ASAP1: variants seen among roughly 807,000 people sequenced by gnomAD.
ASAP1 encodes arf-GAP with SH3 domain, ANK repeat and PH domain-containing protein 1.
ASAP1 carries 43 observed loss-of-function variants against 145.2 expected under a neutral mutation model. The ratio of observed to expected loss-of-function variants is 0.30; its 90% CI spans 0.23 to 0.38. The LOEUF is 0.38. Among genes scored for constraint, ASAP1 ranks in the 10% least tolerant of loss-of-function variants. The pLI is 1.00. For synonymous variants in ASAP1, 546 were observed against 515.5 expected, an observed-to-expected ratio of 1.06 and a Z score of -0.80; for missense variants, 1,018 against 1,355.3, an observed-to-expected ratio of 0.75 and a Z score of 3.91.
In ASAP1 at chr8:130,339,713, G is replaced by A. The variant is rs192355739; in HGVS notation, c.186+18304C>T. Among the ~76,000 whole-genome samples, 452 of 152,318 alleles carry A rather than the reference G, an allele frequency of 3.0e-3. 3 individuals carry two copies. The highest frequency in any genetic ancestry group is 9.2e-3 in the African/African-American group (382 of 41,576). On this transcript the variant is annotated intron_variant, in intron 3 of 29. Transcript: ENST00000518721. Reference sequence around the variant, plus strand: ...GCACTAACTTAAAGAGGTATGTCTGGTTCTGTGCCCTGAAGGTCAGTTGGC... The same window carrying A: ...GCACTAACTTAAAGAGGTATGTCTGATTCTGTGCCCTGAAGGTCAGTTGGC...
intron 11 of ASAP1, among the ~76,000 whole-genome samples, chr8:130,167,040 A>C (rs577691528): frequency 1.3e-4 from 20 of 152,316 alleles, no homozygotes; most frequent in African/African-American, 4.8e-4. Flanking sequence ...ACAGTGGCTC[A>C]TGTCTGTAAT....
chr8:130,233,408 A>T (rs1244867279), intron 4 of ASAP1, among the ~76,000 whole-genome samples: 1 of 152,152 alleles, frequency 6.6e-6, no homozygotes, highest in African/African-American at 2.4e-5. Flanking sequence ...GTAAAGAGCA[A>T]AGCTGGGGTC....
chr8:130,395,520 G>A (rs754568387), intron 2 of ASAP1, among the ~76,000 whole-genome samples: 1 of 152,232 alleles, frequency 6.6e-6, no homozygotes, highest in South Asian at 2.1e-4. Flanking sequence ...GAGTGATGAG[G>A]CTGCAAGCTG....
At chr8:130,119,161 C>T (rs1385464380) in intron 18 of ASAP1, among the ~76,000 whole-genome samples, 1 of 152,124 alleles carries the variant, frequency 6.6e-6, no homozygotes, top group Non-Finnish European at 1.5e-5. Context: ...CCAGGCTGGT[C>T]TTGAACTCCT....
intron 3 of ASAP1, among the ~76,000 whole-genome samples, chr8:130,342,634 T>C (rs909830958): frequency 6.6e-6 from 1 of 152,174 alleles, no homozygotes; most frequent in Non-Finnish European, 1.5e-5. Flanking sequence ...AAGCGGCTGT[T>C]ACAAACACAA....
chr8:130,265,000 T>C (rs1467801775), intron 3 of ASAP1, among the ~76,000 whole-genome samples: 1 of 152,056 alleles, frequency 6.6e-6, no homozygotes, highest in African/African-American at 2.4e-5. Flanking sequence ...AGACTAAAAT[T>C]ACTGGTGTAC....
At chr8:130,183,772 A>G (rs1427452182) in intron 7 of ASAP1, among the ~76,000 whole-genome samples, 1 of 152,176 alleles carries the variant, frequency 6.6e-6, no homozygotes, top group Admixed American at 6.5e-5. Flanking sequence ...CCTCCTTTAG[A>G]GCTGTTCTCT....
At chr8:130,225,784 A>G (rs916963754) in intron 4 of ASAP1, among the ~76,000 whole-genome samples, 9 of 152,198 alleles carry the variant, frequency 5.9e-5, no homozygotes, top group African/African-American at 2.2e-4. Context: ...TAAGGAAGTC[A>G]GTGTTTGCTT....
At chr8:130,283,615 G>A (rs1327212368) in intron 3 of ASAP1, among the ~76,000 whole-genome samples, 887 of 125,302 alleles carry the variant, frequency 7.1e-3, no homozygotes, top group African/African-American at 0.013. Flanking sequence ...AAAAAAAAAA[G>A]AAGGCAGGAT....
rs558862905 is a variant in ASAP1 at position 130,088,753 on chromosome 8, G to T, written c.2572+3220C>A. ...CCCATCTCTAGCTATCCAGCAAAATGCTAGGCTGAGAATAATGGTAACAGT... is the reference window on the plus strand; with the variant it reads ...CCCATCTCTAGCTATCCAGCAAAATTCTAGGCTGAGAATAATGGTAACAGT... On this transcript the variant is annotated intron_variant, in intron 25 of 29. Transcript: ENST00000518721. Among the ~76,000 whole-genome samples the T allele has an allele frequency of 2.6e-5, 4 of 152,324 alleles. No individual in the cohort carries two copies. In the South Asian group the frequency reaches 8.3e-4, roughly 32 times the overall value.
intron 3 of ASAP1, among the ~76,000 whole-genome samples, chr8:130,328,025 T>A (rs1010348847): frequency 1.1e-4 from 16 of 151,984 alleles, no homozygotes; most frequent in East Asian, 9.6e-4. Context: ...AAAAGAAAAA[T>A]ATATATATAC....
chr8:130,215,171 A>G (rs1816822813), intron 4 of ASAP1, among the ~76,000 whole-genome samples: 1 of 152,052 alleles, frequency 6.6e-6, no homozygotes, highest in South Asian at 2.1e-4. Context: ...AAGTGCTGGG[A>G]TTACAGGTGT....
chr8:130,073,955 G>A (rs1450907110), intron 27 of ASAP1, among the ~76,000 whole-genome samples: 1 of 152,164 alleles, frequency 6.6e-6, no homozygotes, highest in Admixed American at 6.6e-5. Flanking sequence ...ACGAGGGGAT[G>A]GAATCTAGAC....
chr8:130,152,685 C>A (rs764086577), intron 13 of ASAP1, 51 bp downstream of exon 13: 1 of 1,405,236 alleles, frequency 7.1e-7, no homozygotes, highest in Non-Finnish European at 1.0e-6. Flanking sequence ...AGTACATAAT[C>A]GTGTTTGCTT....
intron 27 of ASAP1, among the ~76,000 whole-genome samples, chr8:130,073,835 A>G (rs2097455728): frequency 6.6e-6 from 1 of 152,122 alleles, no homozygotes; most frequent in South Asian, 2.1e-4. Context: ...ACACACTACC[A>G]CCTATGAAGT....
At chr8:130,235,485 C>T (rs937721464) in intron 4 of ASAP1, among the ~76,000 whole-genome samples, 5 of 152,082 alleles carry the variant, frequency 3.3e-5, no homozygotes, top group African/African-American at 1.2e-4. Context: ...TCACTCACCT[C>T]CCCAAAGAGC....
At chr8:130,144,922 A>G (rs1190349648) in intron 13 of ASAP1, among the ~76,000 whole-genome samples, 1 of 152,186 alleles carries the variant, frequency 6.6e-6, no homozygotes, top group African/African-American at 2.4e-5. Flanking sequence ...CTCCAAGAAA[A>G]TGTTTTTTAT....
chr8:130,270,708 C>T (rs1229046477), intron 3 of ASAP1, among the ~76,000 whole-genome samples: 1 of 152,174 alleles, frequency 6.6e-6, no homozygotes, highest in Admixed American at 6.6e-5. Flanking sequence ...CTATCCTAAA[C>T]AGAGGTACCT....
rs368642584 is a variant in ASAP1, at chr8:130,341,657, T to C, written c.186+16360A>G. ...AAATGGGAACCAGAGCATCACCTGA[T>C]GAGGCTGGTGCAAAGATTAAATAAT... On this transcript the variant is annotated intron_variant, in intron 3 of 29. Transcript: ENST00000518721. Among the ~76,000 whole-genome samples, 377 of 152,294 alleles carry C rather than the reference T, an allele frequency of 2.5e-3. 2 individuals carry two copies. The highest frequency in any genetic ancestry group is 8.9e-3 in the African/African-American group (369 of 41,556).
Sources: gnomAD v4.1 joint callset for allele counts (sites outside exome capture counted in the v4.1 genomes callset) on GRCh38, gnomAD v4.1.1 for gene constraint, MANE v1.5 for transcripts, NCBI Gene and HGNC (gene_info 2026-07-23, HGNC 2026-07-21) for gene names.